Variants in SRP54 observed in about 807,000 individuals in gnomAD.
The protein encoded by SRP54 is signal recognition particle subunit SRP54.
In SRP54, 10 loss-of-function variants were observed where a neutral mutation model predicts 64.8. The ratio of observed to expected loss-of-function variants is 0.15; its 90% CI spans 0.10 to 0.26. The LOEUF is 0.26. Ranked by LOEUF, SRP54 falls within the 10% of genes least tolerant of loss-of-function variation. SRP54 has a pLI of 1.00. For synonymous variants in SRP54, 193 were observed against 185.6 expected, an observed-to-expected ratio of 1.04 and a Z score of -0.32; for missense variants, 325 against 613.7, an observed-to-expected ratio of 0.53 and a Z score of 4.97.
At position 35,028,161 on chromosome 14, in the gene SRP54, T is replaced by G; in HGVS notation, c.1401T>G (p.Asp467Glu). ...KLNQQMAKMM[D>E]PRVLHHMGGM... ...ACCAACAAATGGCCAAAATGATGGATCCTAGGGTTCTTCATCACATGGGTA... is the reference window on the plus strand; with the variant it reads ...ACCAACAAATGGCCAAAATGATGGAGCCTAGGGTTCTTCATCACATGGGTA... The change falls in exon 15 of 16, where the codon GAT becomes GAG. Residue 467 changes from aspartate to glutamate, a missense_variant. Physicochemically the swap from Asp to Glu is conservative, Grantham distance 45 (BLOSUM62 2). Coordinates refer to ENST00000216774, the MANE Select transcript of SRP54 (RefSeq NM_003136.4). The G allele has an allele frequency of 6.2e-7, 1 of 1,612,258 alleles. No individual in the cohort carries two copies. The highest frequency in any genetic ancestry group is 8.5e-7 in the Non-Finnish European group (1 of 1,178,880).
At position 35,011,368 on chromosome 14, in the gene SRP54, A is replaced by G. The variant is rs933864268; in HGVS notation, c.486-141A>G. 8 of 523,578 alleles carry G rather than the reference A, an allele frequency of 1.5e-5. No individual in the cohort carries two copies. In the African/African-American group the frequency reaches 1.6e-4, roughly 10 times the overall value. The allele number at this position is 523,578 out of a possible 1,614,324, so 32.4% of individuals were successfully genotyped here. ...TTTAGAAGTAGATTCTGTATTTAAT[A>G]CTTTATAGATTTTCCTCTTCTAAAT... On this transcript the variant is annotated intron_variant, in intron 7 of 15. Transcript: ENST00000216774.
In SRP54 at chr14:35,013,225, G is replaced by T. The variant is rs1195126174; in HGVS notation, c.637-121G>T. The T allele has an allele frequency of 2.1e-5, 19 of 909,106 alleles. No homozygotes were observed. In the East Asian group the frequency reaches 4.8e-4, roughly 23 times the overall value. 56.3% of individuals were successfully genotyped at this position (909,106 alleles called of 1,614,324 possible). A position where few individuals can be genotyped will look rare whatever the true frequency, so the allele number is the denominator to read the frequency against. ...CTGGCTCGGCCTCCCAAAGTGCTGG[G>T]ATTACAGGCATGAGCCACTGCACCT... On this transcript the variant is annotated intron_variant, in intron 8 of 15. Transcript: ENST00000216774.
intron 1 of SRP54, among the ~76,000 whole-genome samples, chr14:34,988,885 T>C (rs982094002): frequency 2.6e-5 from 4 of 152,020 alleles, no homozygotes; most frequent in Non-Finnish European, 5.9e-5. Flanking sequence ...GCATATGACC[T>C]ATGCACATCC....
Position 34,999,002 on chromosome 14 carries a change from TGTGTGTGTGTGG to T in SRP54, c.79-555_79-544del, listed in dbSNP as rs200791392. Among the ~76,000 whole-genome samples, 368 of 82,580 alleles carry T rather than the reference TGTGTGTGTGTGG, an allele frequency of 4.5e-3. 13 individuals carry two copies. The highest frequency in any genetic ancestry group is 0.042 in the East Asian group (65 of 1,546). The allele number at this position is 82,580 out of a possible 152,430, so 54.2% of individuals were successfully genotyped here. A position where few individuals can be genotyped will look rare whatever the true frequency, so the allele number is the denominator to read the frequency against. On this transcript the variant is annotated intron_variant, in intron 2 of 15. Coordinates refer to ENST00000216774, the MANE Select transcript of SRP54 (RefSeq NM_003136.4). The stretch of plus-strand genomic sequence containing the variant: ...GTGTGTGTGTGTGTGTGTGTGTGTG[TGTGTGTGTGTGG>T]TTTTTTTTTTTTTTTTTTGAGACAA...
chr14:35,028,167 G>A lies in SRP54; in HGVS notation c.1407G>A (p.Arg469=), dbSNP rs755844726. 1.9e-6 allele frequency: 3 copies of A among 1,611,456 alleles called. No individual in the cohort carries two copies. Among genetic ancestry groups the A allele is most frequent in the Non-Finnish European group, 8.5e-7 (1 of 1,178,480 alleles). Residue 469 remains arginine (R), a synonymous_variant, in exon 15 of 16, where the codon AGG becomes AGA. Transcript: ENST00000216774. ...AAATGGCCAAAATGATGGATCCTAG[G>A]GTTCTTCATCACATGGGTAAATACC... The part of the protein sequence containing the change: ...NQQMAKMMDP[R]VLHHMGGMAG...
intron 1 of SRP54, among the ~76,000 whole-genome samples, chr14:34,996,169 A>G (rs1594983764): frequency 6.6e-6 from 1 of 152,280 alleles, no homozygotes; most frequent in East Asian, 1.9e-4. Flanking sequence ...GCTTCGATAT[A>G]GCTGATAGCT....
chr14:35,004,384 A>G (rs1297774719), intron 4 of SRP54, among the ~76,000 whole-genome samples: 2 of 152,236 alleles, frequency 1.3e-5, no homozygotes, highest in African/African-American at 2.4e-5. Context: ...ATAGTGAAAT[A>G]TGTCAATGAC....
At chr14:35,005,501 A>G (rs532908607) in intron 4 of SRP54, among the ~76,000 whole-genome samples, 8 of 152,248 alleles carry the variant, frequency 5.3e-5, no homozygotes, top group South Asian at 4.1e-4. Context: ...GGCTCAAGCA[A>G]TCTTACTGCC....
intron 13 of SRP54, among the ~76,000 whole-genome samples, chr14:35,021,501 C>T (rs1426358633): frequency 6.6e-6 from 1 of 152,008 alleles, no homozygotes; most frequent in Non-Finnish European, 1.5e-5. Flanking sequence ...GCTGTGGTGG[C>T]GTGTGCCTAT....
intron 11 of SRP54, among the ~76,000 whole-genome samples, chr14:35,015,892 A>G (rs1234971996): frequency 2.0e-5 from 3 of 152,196 alleles, no homozygotes; most frequent in Admixed American, 6.6e-5. Flanking sequence ...TTACTAGACC[A>G]TTCTTGGATG....
At chr14:34,999,003 GTGTGTGTGTGGTT>G (rs1217020032) in intron 2 of SRP54, among the ~76,000 whole-genome samples, 28 of 96,612 alleles carry the variant, frequency 2.9e-4, no homozygotes, top group African/African-American at 9.9e-4. Context: ...GTGTGTGTGT[GTGTGTGTGTGGTT>G]TTTTTTTTTT....
rs1327559384 is a variant in SRP54, at chr14:35,022,971, A to G, written c.1218A>G (p.Val406=). ...AACAACCAGGAAGAATCCAAAGAGTAGCAAGAGGATCGGGTGTATCAACAA... is the reference window on the plus strand; with the variant it reads ...AACAACCAGGAAGAATCCAAAGAGTGGCAAGAGGATCGGGTGTATCAACAA... ...FSKQPGRIQR[V]ARGSGVSTRD... Residue 406 remains valine, a synonymous_variant, in exon 14 of 16, where the codon GTA becomes GTG. Transcript: ENST00000216774. 11 of 1,614,062 alleles carry G rather than the reference A, an allele frequency of 6.8e-6. No individual in the cohort carries two copies. Among genetic ancestry groups the G allele is most frequent in the Admixed American group, 1.7e-5 (1 of 60,022 alleles).
chr14:35,002,662 C>G (rs905875180), intron 4 of SRP54, among the ~76,000 whole-genome samples: 14 of 149,370 alleles, frequency 9.4e-5, no homozygotes, highest in African/African-American at 3.0e-4. Flanking sequence ...GTCTCTATCT[C>G]TTGACCTAGT....
intron 4 of SRP54, among the ~76,000 whole-genome samples, chr14:35,001,451 A>G (rs1566646690): frequency 6.6e-6 from 1 of 152,138 alleles, no homozygotes; most frequent in Non-Finnish European, 1.5e-5. Context: ...GCACCTGGCC[A>G]GGACCTATTT....
chr14:34,996,392 T>G (rs1225188266), intron 1 of SRP54, among the ~76,000 whole-genome samples: 1 of 152,200 alleles, frequency 6.6e-6, no homozygotes, highest in Non-Finnish European at 1.5e-5. Flanking sequence ...AAAGAACATA[T>G]TTAATGTGAG....
intron 1 of SRP54, among the ~76,000 whole-genome samples, chr14:34,987,179 C>T (rs1283448054): frequency 6.8e-6 from 1 of 147,016 alleles, no homozygotes; most frequent in Admixed American, 6.9e-5. Context: ...TGCAGTGAGC[C>T]GAGATCTTGC....
intron 10 of SRP54, among the ~76,000 whole-genome samples, chr14:35,014,275 CTT>C (rs1269464538): frequency 2.9e-5 from 3 of 102,188 alleles, no homozygotes; most frequent in Non-Finnish European, 2.1e-5. Context: ...TGCCACTTAA[CTT>C]TTTTTTTTTT....
chr14:35,012,428 TG>T (rs2044370096), intron 8 of SRP54, among the ~76,000 whole-genome samples: 1 of 152,146 alleles, frequency 6.6e-6, no homozygotes, highest in Non-Finnish European at 1.5e-5. Context: ...ACCCACGTCT[TG>T]ACATTGGAGT....
chr14:34,998,973 A>ATGTG (rs34646567), intron 2 of SRP54, among the ~76,000 whole-genome samples: 751 of 63,662 alleles, frequency 0.012, 15 homozygotes, highest in South Asian at 0.03. Context: ...CTTTGTGTGT[A>ATGTG]TGTGTGTGTG....
Sources: gnomAD v4.1 joint callset for allele counts (sites outside exome capture counted in the v4.1 genomes callset) on GRCh38, gnomAD v4.1.1 for gene constraint, MANE v1.5 for transcripts, NCBI Gene and HGNC (gene_info 2026-07-23, HGNC 2026-07-21) for gene names.